The following MCTP1 variants were observed in gnomAD, a reference collection of about 807,000 sequenced individuals.
The protein encoded by MCTP1 is multiple C2 and transmembrane domain containing 1, also known as multiple C2 and transmembrane domain-containing protein 1.
Under a neutral mutation model 120.6 loss-of-function variants are expected in MCTP1, and 69 were observed. The ratio of observed to expected loss-of-function variants is 0.57; its 90% CI spans 0.47 to 0.70. The LOEUF (loss-of-function observed/expected upper bound fraction) is 0.70. Among genes scored for constraint, MCTP1 ranks in the 30% least tolerant of loss-of-function variants. The pLI is 0.00. For synonymous variants in MCTP1, 529 were observed against 493.1 expected, an observed-to-expected ratio of 1.07 and a Z score of -0.96; for missense variants, 1,203 against 1,248.8, an observed-to-expected ratio of 0.96 and a Z score of 0.55.
intron 20 of MCTP1, 21 bp downstream of exon 20, chr5:94,714,756 T>G (rs1359126411): frequency 7.3e-7 from 1 of 1,373,474 alleles, no homozygotes; most frequent in South Asian, 1.2e-5. Context: ...AGAATGGGGC[T>G]CACAGGTCAC....
At chr5:95,108,951 C>T (rs1178364700) in intron 1 of MCTP1, among the ~76,000 whole-genome samples, 2 of 152,092 alleles carry the variant, frequency 1.3e-5, no homozygotes, top group African/African-American at 4.8e-5. Flanking sequence ...GCTTACTATG[C>T]CATTCAAAGA....
At chr5:94,973,826 T>C (rs1827448380) in intron 2 of MCTP1, among the ~76,000 whole-genome samples, 1 of 152,114 alleles carries the variant, frequency 6.6e-6, no homozygotes. Flanking sequence ...TTTAGTGTGG[T>C]ACAGGGTAGT....
intron 1 of MCTP1, among the ~76,000 whole-genome samples, chr5:95,024,648 T>TACACACACACACACACACACACACAC (rs111890273): frequency 1.1e-4 from 16 of 146,366 alleles, no homozygotes; most frequent in African/African-American, 3.6e-4. Context: ...GGCATTCAAA[T>TACACACACACACACACACACACACAC]ACACACACAC....
At chr5:95,060,989 T>G (rs1451941267) in intron 1 of MCTP1, among the ~76,000 whole-genome samples, 1 of 141,258 alleles carries the variant, frequency 7.1e-6, no homozygotes, top group African/African-American at 2.6e-5. Flanking sequence ...GAAGAATCTG[T>G]CCTCAAATGT....
At chr5:95,028,580 C>T (rs1372495912) in intron 1 of MCTP1, among the ~76,000 whole-genome samples, 2 of 152,166 alleles carry the variant, frequency 1.3e-5, no homozygotes, top group Non-Finnish European at 1.5e-5. Context: ...TGTGGCATTG[C>T]TTCATTATCA....
intron 17 of MCTP1, among the ~76,000 whole-genome samples, chr5:94,833,673 C>T (rs562722061): frequency 2.0e-5 from 3 of 152,206 alleles, no homozygotes; most frequent in Non-Finnish European, 2.9e-5. Context: ...CTCTCTGGAG[C>T]GCAGATATTG....
At chr5:95,228,523 C>T (rs1242503570) in intron 1 of MCTP1, among the ~76,000 whole-genome samples, 3 of 151,302 alleles carry the variant, frequency 2.0e-5, no homozygotes, top group Non-Finnish European at 1.5e-5. Context: ...CATGGGGTCA[C>T]CAGGGAAGGT....
intron 2 of MCTP1, among the ~76,000 whole-genome samples, chr5:95,003,690 C>T (rs763220010): frequency 1.6e-4 from 24 of 152,182 alleles, no homozygotes; most frequent in Non-Finnish European, 3.2e-4. Context: ...TTACCTTCTG[C>T]CATGACTGTG....
chr5:95,273,424 T>C (rs1759566313), intron 1 of MCTP1, among the ~76,000 whole-genome samples: 1 of 152,112 alleles, frequency 6.6e-6, no homozygotes, highest in South Asian at 2.1e-4. Context: ...AGAATGAAAA[T>C]TTCCAACAGA....
intron 2 of MCTP1, among the ~76,000 whole-genome samples, chr5:94,989,241 T>C (rs894225412): frequency 1.5e-4 from 23 of 152,110 alleles, no homozygotes; most frequent in Non-Finnish European, 5.9e-5. Context: ...TCTGAGAGTA[T>C]TTTCTAGAGG....
chr5:94,884,537 C>T (rs1049646048), intron 12 of MCTP1, among the ~76,000 whole-genome samples: 3 of 142,288 alleles, frequency 2.1e-5, no homozygotes, highest in Non-Finnish European at 3.0e-5. Flanking sequence ...CAGGGAACGC[C>T]GGACTGCGCA....
chr5:95,162,737 A>G (rs1188117491), intron 1 of MCTP1, among the ~76,000 whole-genome samples: 1 of 152,194 alleles, frequency 6.6e-6, no homozygotes, highest in African/African-American at 2.4e-5. Context: ...AGCCTGCTTC[A>G]TTCTGTAACA....
In MCTP1 at chr5:95,284,204, C is replaced by A. The variant is rs1410322589; in HGVS notation, c.372G>T (p.Arg124=). 6.4e-7 allele frequency: 1 copy of A among 1,561,224 alleles called. No homozygotes were observed. The highest frequency in any genetic ancestry group is 1.4e-5 in the African/African-American group (1 of 72,800). Residue 124 remains arginine (R), a synonymous_variant, in exon 1 of 23, where the codon CGG becomes CGT. Transcript: ENST00000515393. The surrounding 1 kb of genome is among the most constrained non-coding windows in gnomAD (Gnocchi z 5.2). ...CGGCGGGGAGCAAATGCTCGCGGAT[C>A]CGGCGGCGTAGCGTGGACCCCTGCT... The part of the protein sequence containing the change: ...RAEQGSTLRR[R]IREHLLPAVK...
chr5:94,953,625 G>A (rs1003157829), intron 2 of MCTP1, among the ~76,000 whole-genome samples: 14 of 150,454 alleles, frequency 9.3e-5, no homozygotes, highest in South Asian at 2.1e-4. Flanking sequence ...CAGCAATCCC[G>A]CTAGTGGACA....
intron 1 of MCTP1, among the ~76,000 whole-genome samples, chr5:95,278,747 G>A (rs1048327238): frequency 2.0e-5 from 3 of 152,110 alleles, no homozygotes; most frequent in African/African-American, 4.8e-5. Flanking sequence ...CGGATCACCT[G>A]AGGTCGGGAG....
chr5:94,889,514 G>A (rs1222113227), intron 11 of MCTP1, among the ~76,000 whole-genome samples: 3 of 152,050 alleles, frequency 2.0e-5, no homozygotes, highest in Non-Finnish European at 4.4e-5. Flanking sequence ...GCTTGAACCC[G>A]GGAGGCAGAG....
At chr5:95,261,452 CT>C (rs1758463467) in intron 1 of MCTP1, among the ~76,000 whole-genome samples, 1 of 152,168 alleles carries the variant, frequency 6.6e-6, no homozygotes, top group Non-Finnish European at 1.5e-5. Flanking sequence ...AATCTAATTT[CT>C]TTTCTGTAAT....
At chr5:95,134,547 T>C (rs1423475766) in intron 1 of MCTP1, among the ~76,000 whole-genome samples, 1 of 152,208 alleles carries the variant, frequency 6.6e-6, no homozygotes, top group Admixed American at 6.5e-5. Flanking sequence ...TGGGGCAGGA[T>C]GGCCTAGGAA....
At chr5:94,927,461 A>G (rs934843783) in intron 6 of MCTP1, among the ~76,000 whole-genome samples, 1 of 152,150 alleles carries the variant, frequency 6.6e-6, no homozygotes, top group African/African-American at 2.4e-5. Context: ...TTTCAAAGAC[A>G]TATGCGTAAT....
Sources: allele counts gnomAD v4.1 joint callset (sites outside exome capture counted in the v4.1 genomes callset), GRCh38; gene constraint gnomAD v4.1.1; non-coding constraint Gnocchi (gnomAD v3.1); transcripts MANE v1.5; gene names NCBI Gene and HGNC (gene_info 2026-07-23, HGNC 2026-07-21).